The following SMG5 variants were observed in gnomAD, a reference collection of about 807,000 sequenced individuals.
SMG5 encodes nonsense-mediated mRNA decay factor SMG5.
A neutral mutation model predicts 122.9 loss-of-function variants in SMG5; 53 were observed. That is an observed-to-expected ratio of 0.43 (90% CI 0.35 to 0.54). SMG5 has a LOEUF of 0.54. Ranked by LOEUF, SMG5 falls within the 20% of genes least tolerant of loss-of-function variation. SMG5 has a pLI of 0.01. For missense variants in SMG5, 1,153 were observed against 1,285.6 expected (o/e 0.90, Z 1.58); for synonymous variants, 477 against 490.2 (o/e 0.97, Z 0.35).
intron 5 of SMG5, 49 bp from the exon 6 acceptor site, chr1:156,273,499 A>G (rs776540403): frequency 6.4e-7 from 1 of 1,558,154 alleles, no homozygotes. Context: ...TAAGTTTCAG[A>G]AAACCCTCCC....
At chr1:156,274,940 G>A (rs908343010) in intron 4 of SMG5, among the ~76,000 whole-genome samples, 16 of 152,054 alleles carry the variant, frequency 1.1e-4, no homozygotes, top group African/African-American at 3.6e-4. Context: ...GAGGGCTAGG[G>A]CCCTCAACCT....
intron 15 of SMG5, among the ~76,000 whole-genome samples, chr1:156,260,000 C>T (rs1472572115): frequency 3.3e-5 from 5 of 152,144 alleles, no homozygotes; most frequent in Non-Finnish European, 7.3e-5. Flanking sequence ...CCTCTGCTGC[C>T]CCCAGATGGC....
At chr1:156,261,934 C>A (rs2093487) in intron 13 of SMG5, among the ~76,000 whole-genome samples, 34,768 of 148,644 alleles carry the variant, frequency 0.23, 4,275 homozygotes, top group Admixed American at 0.33. Flanking sequence ...TGGTGGCATG[C>A]GCTTGTAGCC....
At chr1:156,278,180 CA>C in intron 2 of SMG5, 132 bp from the exon 3 acceptor site, 11 of 1,135,998 alleles carry the variant, frequency 9.7e-6, no homozygotes, top group Non-Finnish European at 1.2e-5. Flanking sequence ...CATGCAGGGT[CA>C]ATATGACCCA....
intron 7 of SMG5, among the ~76,000 whole-genome samples, chr1:156,269,494 T>G (rs1662305593): frequency 6.6e-6 from 1 of 151,776 alleles, no homozygotes; most frequent in Non-Finnish European, 1.5e-5. Context: ...CCCAGCACTT[T>G]GGGAGGCTGA....
chr1:156,250,297 C>A lies in SMG5; in HGVS notation c.*290G>T. ...GAAATGCAGGTACCCATGCCTACCA[C>A]CTGCCCCTGGAGACAGCAGGGGAGC... On this transcript the variant is annotated 3_prime_UTR_variant, in exon 22 of 22. Transcript: ENST00000361813. 1 of 451,012 alleles carries A rather than the reference C, an allele frequency of 2.2e-6. No homozygotes were observed. Among genetic ancestry groups the A allele is most frequent in the Non-Finnish European group, 4.1e-6 (1 of 245,648 alleles). The allele number at this position is 451,012 out of a possible 1,614,324, so 27.9% of individuals were successfully genotyped here. A position where few individuals can be genotyped will look rare whatever the true frequency, so the allele number is the denominator to read the frequency against.
chr1:156,283,733 C>A (rs922346756), upstream of SMG5, among the ~76,000 whole-genome samples: 3 of 152,196 alleles, frequency 2.0e-5, no homozygotes, highest in East Asian at 5.8e-4. Flanking sequence ...TCTTTCTGTT[C>A]CTGAAACAGC....
At chr1:156,288,416 A>G in the SMG5 span, among the ~76,000 whole-genome samples, 1 of 151,392 alleles carries the variant, frequency 6.6e-6, no homozygotes, top group Non-Finnish European at 1.5e-5. Context: ...GCTCACTACA[A>G]CTTCTGTCTC....
chr1:156,284,571 T>A (rs1288741109), upstream of SMG5, among the ~76,000 whole-genome samples: 1 of 152,038 alleles, frequency 6.6e-6, no homozygotes, highest in Admixed American at 6.6e-5. Context: ...AATATCAGAA[T>A]AGCAGACCCA....
upstream of SMG5, chr1:156,285,427 C>G (rs567874349): frequency 4.3e-6 from 7 of 1,612,378 alleles, 1 homozygote; most frequent in South Asian, 7.7e-5. Flanking sequence ...ATGGTCTAGA[C>G]AGCACAGTAA....
chr1:156,283,824 T>G (rs760288731), upstream of SMG5, among the ~76,000 whole-genome samples: 3 of 152,240 alleles, frequency 2.0e-5, no homozygotes, highest in Non-Finnish European at 2.9e-5. Context: ...CCATCAGGTT[T>G]CAGCTCAAAT....
intron 12 of SMG5, among the ~76,000 whole-genome samples, chr1:156,264,455 G>A (rs999739095): frequency 1.3e-5 from 2 of 152,032 alleles, no homozygotes; most frequent in Admixed American, 6.6e-5. Context: ...TAGGGATACA[G>A]CAATAAGTAA....
intron 4 of SMG5, among the ~76,000 whole-genome samples, chr1:156,275,544 T>C (rs1389183840): frequency 6.6e-6 from 1 of 152,240 alleles, no homozygotes; most frequent in Non-Finnish European, 1.5e-5. Flanking sequence ...AGAGTTAGGA[T>C]ACAAAAGGCT....
chr1:156,252,317 T>C, intron 19 of SMG5, 97 bp downstream of exon 19: 1 of 1,063,662 alleles, frequency 9.4e-7, no homozygotes, highest in Non-Finnish European at 1.4e-6. Flanking sequence ...CGGGTATGTA[T>C]GTGTCTTACC....
upstream of SMG5, chr1:156,285,828 T>C (rs754067224): frequency 6.2e-7 from 1 of 1,613,646 alleles, no homozygotes; most frequent in East Asian, 2.2e-5. Context: ...CTAAGGGCTG[T>C]GGCCTCCGTG....
chr1:156,277,332 G>A, intron 3 of SMG5, 91 bp from the exon 4 acceptor site: 1 of 1,388,652 alleles, frequency 7.2e-7, no homozygotes, highest in Non-Finnish European at 9.8e-7. Flanking sequence ...CTTGGCTCTG[G>A]AACTTCATCT....
intron 7 of SMG5, 89 bp downstream of exon 7, chr1:156,272,231 T>G (rs549226998): frequency 8.5e-7 from 1 of 1,181,716 alleles, no homozygotes; most frequent in African/African-American, 1.5e-5. Context: ...CAGCCACAGC[T>G]AGAGGAAGGA....
Position 156,273,662 on chromosome 1 carries a change from A to C in SMG5, c.545-212T>G, listed in dbSNP as rs149216597. Among the ~76,000 whole-genome samples the C allele has an allele frequency of 4.0e-3, 604 of 151,996 alleles. 7 individuals are homozygous for C. The highest frequency in any genetic ancestry group is 0.014 in the African/African-American group (569 of 41,438). Reference sequence around the variant, plus strand: ...CTCTCTTCCTTGCTGGTAGGTTCAAAATGTAAAGAATATTGTTTGTGAAGT... The same window carrying C: ...CTCTCTTCCTTGCTGGTAGGTTCAACATGTAAAGAATATTGTTTGTGAAGT... On this transcript the variant is annotated intron_variant, in intron 5 of 21. Transcript: ENST00000361813.
chr1:156,251,494 C>T lies in SMG5; in HGVS notation c.2754-17G>A, dbSNP rs886200054. The T allele has an allele frequency of 3.7e-6, 6 of 1,613,444 alleles. No individual in the cohort carries two copies. The highest frequency in any genetic ancestry group is 3.3e-5 in the Admixed American group (2 of 60,018). ...CGAATGTACCTGCAGAGGAGATGTG[C>T]GAGTGGAGGTCAGGAGCAGGAGACT... On this transcript the variant is annotated splice_polypyrimidine_tract_variant and intron_variant, in intron 19 of 21. Coordinates refer to ENST00000361813, the MANE Select transcript of SMG5 (RefSeq NM_015327.3).
Sources: gnomAD v4.1 joint callset for allele counts (sites outside exome capture counted in the v4.1 genomes callset) on GRCh38, gnomAD v4.1.1 for gene constraint, MANE v1.5 for transcripts, NCBI Gene and HGNC (gene_info 2026-07-23, HGNC 2026-07-21) for gene names.